The following RBM33 variants were observed in gnomAD, a reference collection of about 807,000 sequenced individuals.
The protein encoded by RBM33 is RNA-binding protein 33.
Under a neutral mutation model 132.6 loss-of-function variants are expected in RBM33, and 28 were observed. The observed-to-expected ratio is 0.21, with a 90% CI of 0.16 to 0.29. The LOEUF is 0.29. Ranked by LOEUF, RBM33 falls within the 10% of genes least tolerant of loss-of-function variation. The pLI, the probability that RBM33 is intolerant of heterozygous loss-of-function variation, is 1.00. For synonymous variants in RBM33, 634 were observed against 593.0 expected, an observed-to-expected ratio of 1.07 and a Z score of -1.01; for missense variants, 1,291 against 1,518.5, an observed-to-expected ratio of 0.85 and a Z score of 2.49.
chr7:155,653,716 A>G (rs1477305996), intron 1 of RBM33, among the ~76,000 whole-genome samples: 2 of 152,002 alleles, frequency 1.3e-5, no homozygotes, highest in African/African-American at 4.8e-5. Context: ...GGCCCTGTGT[A>G]CCTCTTCATC....
intron 5 of RBM33, among the ~76,000 whole-genome samples, chr7:155,688,356 T>A (rs1799536351): frequency 6.6e-6 from 1 of 152,212 alleles, no homozygotes; most frequent in Admixed American, 6.5e-5. Flanking sequence ...AAGTTGCTTA[T>A]CAGCTTAAGG....
rs1286994846 is a variant in RBM33, at chr7:155,780,018, G to A, written c.*4977G>A. ...TTTAATATGTTCCATAGAGTGGATAGGCAGACAGGTACTATTGTAATGTAT... is the reference window on the plus strand; with the variant it reads ...TTTAATATGTTCCATAGAGTGGATAAGCAGACAGGTACTATTGTAATGTAT... On this transcript the variant is annotated 3_prime_UTR_variant, in exon 18 of 18. Coordinates refer to ENST00000401878, the MANE Select transcript of RBM33 (RefSeq NM_053043.3). 1 of 152,182 alleles carries A rather than the reference G, an allele frequency of 6.6e-6. No homozygotes were observed. Among genetic ancestry groups the A allele is most frequent in the African/African-American group, 2.4e-5 (1 of 41,440 alleles). The allele number at this position is 152,182 out of a possible 1,614,324, so 9.4% of individuals were successfully genotyped here. A position where few individuals can be genotyped will look rare whatever the true frequency, so the allele number is the denominator to read the frequency against.
At chr7:155,650,951 C>T (rs1470981333) in intron 1 of RBM33, among the ~76,000 whole-genome samples, 1 of 152,122 alleles carries the variant, frequency 6.6e-6, no homozygotes, top group Non-Finnish European at 1.5e-5. Context: ...GATCTCAGCT[C>T]ACTGCCACCT....
intron 14 of RBM33, among the ~76,000 whole-genome samples, chr7:155,750,749 G>A (rs921989849): frequency 8.7e-5 from 13 of 149,178 alleles, no homozygotes; most frequent in Non-Finnish European, 1.6e-4. Context: ...TTTTTTTGGA[G>A]TGGCTGTTTA....
At chr7:155,751,331 C>T (rs889240181) in intron 14 of RBM33, among the ~76,000 whole-genome samples, 1 of 152,162 alleles carries the variant, frequency 6.6e-6, no homozygotes, top group Non-Finnish European at 1.5e-5. Flanking sequence ...TGTTATGATT[C>T]AGCACACAGA....
In RBM33 at chr7:155,745,306, C is replaced by T; in HGVS notation, c.2683C>T (p.Pro895Ser). 1 of 1,612,820 alleles carries T rather than the reference C, an allele frequency of 6.2e-7. No individual in the cohort carries two copies. Among genetic ancestry groups the T allele is most frequent in the Non-Finnish European group, 8.5e-7 (1 of 1,179,308 alleles). The stretch of plus-strand genomic sequence containing the variant: ...TCAGCCCAAAACATCCAATTTTGTA[C>T]CATCCAGTGCCAACATGCAGTATCA... ...NVQPKTSNFV[P>S]SSANMQYQGQ... Residue 895 changes from proline to serine, a missense_variant, in exon 14 of 18, where the codon CCA becomes TCA. Transcript: ENST00000401878. This position sits in a 1 kb window ranked among gnomAD's most constrained non-coding sequence, Gnocchi z 4.1.
chr7:155,737,353 CTG>C lies in RBM33; in HGVS notation c.1261-145_1261-144del, dbSNP rs59512454. Among the ~76,000 whole-genome samples the C allele has an allele frequency of 6.0e-3, 848 of 142,422 alleles. 5 individuals carry two copies. The highest frequency in any genetic ancestry group is 0.015 in the African/African-American group (550 of 37,682). 93.4% of individuals were successfully genotyped at this position (142,422 alleles called of 152,430 possible). A position where few individuals can be genotyped will look rare whatever the true frequency, so the allele number is the denominator to read the frequency against. On this transcript the variant is annotated intron_variant, in intron 9 of 17. Transcript: ENST00000401878. ...ATCCTGTCATTAAGGATGCATGACT[CTG>C]TGTGTGTGTGTGTGTGTGTGTGTGT...
intron 16 of RBM33, among the ~76,000 whole-genome samples, chr7:155,769,317 G>T (rs1802329350): frequency 6.6e-6 from 1 of 152,172 alleles, no homozygotes; most frequent in African/African-American, 2.4e-5. Context: ...TGTGTTTCTT[G>T]CGGGAAAGCA....
chr7:155,699,203 G>A (rs1357600905), intron 5 of RBM33, among the ~76,000 whole-genome samples: 1 of 152,168 alleles, frequency 6.6e-6, no homozygotes, highest in East Asian at 1.9e-4. Flanking sequence ...TGCTTTGTTG[G>A]TAGTGATTTC....
chr7:155,744,007 G>A (rs916129229), intron 13 of RBM33, among the ~76,000 whole-genome samples: 6 of 152,138 alleles, frequency 3.9e-5, no homozygotes, highest in African/African-American at 1.4e-4. Context: ...AGAGGTGGTC[G>A]GAATTGCTTC....
intron 2 of RBM33, among the ~76,000 whole-genome samples, chr7:155,672,137 G>A (rs1312168829): frequency 2.0e-5 from 3 of 151,584 alleles, no homozygotes; most frequent in Non-Finnish European, 4.4e-5. Flanking sequence ...TTTGATGAAT[G>A]TCAAACGGTC....
chr7:155,685,467 A>T (rs557981727), intron 5 of RBM33, among the ~76,000 whole-genome samples: 2 of 152,184 alleles, frequency 1.3e-5, no homozygotes, highest in Non-Finnish European at 2.9e-5. Flanking sequence ...GCTTTCAAGG[A>T]AATTGGAGTC....
intron 16 of RBM33, among the ~76,000 whole-genome samples, chr7:155,767,743 C>T (rs1270939532): frequency 2.0e-5 from 3 of 152,182 alleles, no homozygotes; most frequent in South Asian, 2.1e-4. Context: ...TGTGATAGAG[C>T]GGGCTCCCTA....
chr7:155,766,666 G>C lies in RBM33; in HGVS notation c.3375+11G>C. On this transcript the variant is annotated intron_variant, in intron 16 of 17. Coordinates refer to ENST00000401878, the MANE Select transcript of RBM33 (RefSeq NM_053043.3). ...GTGGGACCCATTCAGGTAGCCGCCT[G>C]GGGGTGGCATCTGTGCCACGGGTAG... 1 of 1,604,854 alleles carries C rather than the reference G, an allele frequency of 6.2e-7. No homozygotes were observed. Among genetic ancestry groups the C allele is most frequent in the South Asian group, 1.1e-5 (1 of 89,356 alleles).
At chr7:155,742,970 T>C (rs1188388392) in intron 13 of RBM33, among the ~76,000 whole-genome samples, 1 of 152,228 alleles carries the variant, frequency 6.6e-6, no homozygotes, top group Non-Finnish European at 1.5e-5. Flanking sequence ...TCATGAAGAA[T>C]GGCTTTAGAG....
chr7:155,707,054 C>G lies in RBM33; in HGVS notation c.934C>G (p.Gln312Glu). The G allele has an allele frequency of 6.4e-7, 1 of 1,551,576 alleles. No homozygotes were observed. Among genetic ancestry groups the G allele is most frequent in the Non-Finnish European group, 8.7e-7 (1 of 1,147,898 alleles). Residue 312 changes from glutamine (Q) to glutamate (E), a missense_variant, in exon 7 of 18, where the codon CAG (glutamine) becomes GAG (glutamate). Around this residue, in one of 7 missense-constraint regions of RBM33, gnomAD observed 146 missense variants for 137.1 expected, o/e 1.07. Transcript: ENST00000401878. ...KDHRPALLPT[Q>E]PPVVPQAPPP... Reference sequence around the variant, plus strand: ...CCACAGACCTGCGCTGCTTCCTACACAGCCTCCTGTCGTGGTAACTTCAGA... The same window carrying G: ...CCACAGACCTGCGCTGCTTCCTACAGAGCCTCCTGTCGTGGTAACTTCAGA...
rs1802818860 is a variant in RBM33, at chr7:155,781,133, G to C, written c.*6092G>C. 1 of 152,902 alleles carries C rather than the reference G, an allele frequency of 6.5e-6. No individual in the cohort carries two copies. 9.5% of individuals were successfully genotyped at this position (152,902 alleles called of 1,614,324 possible). ...CGTGTACACTCTGCGGGCTGCACCG[G>C]GTGGCTCTGGTTGGGGGCGAAGCTG... On this transcript the variant is annotated 3_prime_UTR_variant, in exon 18 of 18. Coordinates refer to ENST00000401878, the MANE Select transcript of RBM33 (RefSeq NM_053043.3).
rs528420846 is a variant in RBM33, at chr7:155,729,607, C to T, written c.1261-7923C>T. On this transcript the variant is annotated intron_variant, in intron 9 of 17. Transcript: ENST00000401878. ...TAAAAATTAGCCAGATATGGTGGCT[C>T]ATGCCTGTAGTCCCGGGTTCTCTGG... Among the ~76,000 whole-genome samples, 11 of 152,136 alleles carry T rather than the reference C, an allele frequency of 7.2e-5. No individual in the cohort carries two copies. In the East Asian group the frequency reaches 1.4e-3, roughly 19 times the overall value.
intron 16 of RBM33, among the ~76,000 whole-genome samples, chr7:155,771,725 A>C (rs1424341439): frequency 6.6e-6 from 1 of 151,928 alleles, no homozygotes; most frequent in African/African-American, 2.4e-5. Flanking sequence ...CTTTTTTCTT[A>C]TTTTATTTTA....
Sources: allele counts gnomAD v4.1 joint callset (sites outside exome capture counted in the v4.1 genomes callset), GRCh38; gene constraint gnomAD v4.1.1; regional missense constraint gnomAD v4.1.1; non-coding constraint Gnocchi (gnomAD v3.1); transcripts MANE v1.5; gene names NCBI Gene and HGNC (gene_info 2026-07-23, HGNC 2026-07-21).